Variants in LRRC49 observed in about 807,000 individuals in gnomAD.
LRRC49 encodes leucine-rich repeat-containing protein 49.
A neutral mutation model predicts 83.3 loss-of-function variants in LRRC49; 50 were observed. The ratio of observed to expected loss-of-function variants is 0.60; its 90% CI spans 0.48 to 0.76. The LOEUF (loss-of-function observed/expected upper bound fraction) is 0.76, where lower values mean the gene tolerates loss of function less well. Ranked by LOEUF, LRRC49 falls within the 30% of genes least tolerant of loss-of-function variation. The probability of loss-of-function intolerance (pLI) is 0.00; values close to 1 mark genes in which losing one functional copy is unlikely to be tolerated. For missense variants in LRRC49, 704 were observed against 809.1 expected (o/e 0.87, Z 1.58); for synonymous variants, 286 against 283.3 (o/e 1.01, Z -0.10).
At chr15:71,032,159 CA>C (rs1490628569) in intron 14 of LRRC49, among the ~76,000 whole-genome samples, 2 of 152,188 alleles carry the variant, frequency 1.3e-5, no homozygotes, top group Non-Finnish European at 2.9e-5. Flanking sequence ...CAGCAGATTG[CA>C]AATTAATGGG....
chr15:70,920,418 A>G (rs1032060099), intron 7 of LRRC49, among the ~76,000 whole-genome samples: 3 of 152,204 alleles, frequency 2.0e-5, no homozygotes, highest in Non-Finnish European at 4.4e-5. Context: ...CAGATTAGAT[A>G]CAATACTGGA....
intron 6 of LRRC49, among the ~76,000 whole-genome samples, chr15:70,918,027 C>T (rs1189754622): frequency 6.6e-6 from 1 of 152,236 alleles, no homozygotes; most frequent in African/African-American, 2.4e-5. Flanking sequence ...CCTCGCATAT[C>T]CAAGCTTCCG....
chr15:70,866,665 A>G (rs1205727875), intron 1 of LRRC49, among the ~76,000 whole-genome samples: 5 of 152,168 alleles, frequency 3.3e-5, no homozygotes, highest in Admixed American at 2.0e-4. Context: ...GTGACGGGAT[A>G]TAGATAAGGG....
intron 7 of LRRC49, among the ~76,000 whole-genome samples, chr15:70,933,042 A>T (rs575040558): frequency 6.6e-6 from 1 of 151,994 alleles, no homozygotes; most frequent in Non-Finnish European, 1.5e-5. Flanking sequence ...TAGTTCTTTT[A>T]TGCAGTTTAG....
chr15:71,040,572 C>A (rs753002311), intron 15 of LRRC49, among the ~76,000 whole-genome samples: 2 of 152,088 alleles, frequency 1.3e-5, no homozygotes, highest in African/African-American at 2.4e-5. Flanking sequence ...GTAATCCCAG[C>A]ACTTTGGGAG....
intron 15 of LRRC49, among the ~76,000 whole-genome samples, chr15:71,039,145 A>G (rs1260247272): frequency 6.6e-6 from 1 of 152,186 alleles, no homozygotes; most frequent in Non-Finnish European, 1.5e-5. Context: ...CACAGTGCAA[A>G]TAAGGCATAG....
At chr15:70,900,671 A>T (rs1433668417) in intron 3 of LRRC49, 6 of 467,896 alleles carry the variant, frequency 1.3e-5, no homozygotes, top group Non-Finnish European at 2.4e-5. Context: ...GCACTGGACT[A>T]GTTCTGTACT....
At chr15:70,983,186 TAA>T (rs1294472029) in intron 10 of LRRC49, among the ~76,000 whole-genome samples, 1 of 152,168 alleles carries the variant, frequency 6.6e-6, no homozygotes, top group East Asian at 1.9e-4. Context: ...TTTTTTCTAT[TAA>T]TATATATAAA....
intron 8 of LRRC49, among the ~76,000 whole-genome samples, chr15:70,943,016 T>G (rs2035878611): frequency 6.6e-6 from 1 of 152,182 alleles, no homozygotes; most frequent in Admixed American, 6.5e-5. Context: ...TTCTCGTTAA[T>G]ATATGTTTCA....
chr15:70,859,621 A>G, intron 1 of LRRC49: 2 of 640,926 alleles, frequency 3.1e-6, no homozygotes, highest in Admixed American at 1.9e-5. Context: ...TGCAGCCTAT[A>G]AAGACTGAGA....
chr15:70,911,967 G>A (rs1045755440), intron 6 of LRRC49, among the ~76,000 whole-genome samples: 1 of 151,576 alleles, frequency 6.6e-6, no homozygotes, highest in Admixed American at 6.6e-5. Flanking sequence ...ACTATTTTAG[G>A]TTTCATGCTT....
chr15:70,865,548 G>A (rs1004909877), intron 1 of LRRC49, among the ~76,000 whole-genome samples: 2 of 152,186 alleles, frequency 1.3e-5, no homozygotes. Context: ...TGCATTTGAT[G>A]TTTATGTCCT....
chr15:70,942,033 A>ATGTGTGTGTGTG (rs34818331), intron 8 of LRRC49, among the ~76,000 whole-genome samples: 75 of 144,182 alleles, frequency 5.2e-4, no homozygotes, highest in African/African-American at 1.8e-3. Context: ...TGTAAAGGTT[A>ATGTGTGTGTGTG]TGTGTGTGTG....
intron 2 of LRRC49, among the ~76,000 whole-genome samples, chr15:70,879,059 C>T (rs776170223): frequency 6.6e-6 from 1 of 152,118 alleles, no homozygotes; most frequent in Non-Finnish European, 1.5e-5. Flanking sequence ...AAAGTAAAGT[C>T]GTCTGGGCCT....
intron 11 of LRRC49, among the ~76,000 whole-genome samples, chr15:70,989,979 C>T (rs914258546): frequency 3.3e-5 from 5 of 152,140 alleles, no homozygotes; most frequent in Non-Finnish European, 5.9e-5. Context: ...GCTGTCTGAT[C>T]GTTCCTCTTG....
At chr15:70,957,635 A>G (rs1478455902) in intron 8 of LRRC49, among the ~76,000 whole-genome samples, 2 of 152,146 alleles carry the variant, frequency 1.3e-5, no homozygotes, top group Non-Finnish European at 2.9e-5. Flanking sequence ...AGTCTTCAAG[A>G]AACTTACAGT....
chr15:70,989,113 T>C (rs977653375), intron 11 of LRRC49, among the ~76,000 whole-genome samples: 5 of 152,210 alleles, frequency 3.3e-5, no homozygotes, highest in African/African-American at 7.2e-5. Flanking sequence ...CAATTATGTG[T>C]CTTGGAGTTG....
At chr15:70,893,226 T>A in intron 1 of LRRC49, 1 of 571,222 alleles carries the variant, frequency 1.8e-6, no homozygotes. Flanking sequence ...CAATTCCTTT[T>A]TCTTTTCTTT....
upstream of LRRC49, chr15:70,891,762 G>A: frequency 5.5e-6 from 7 of 1,272,558 alleles, no homozygotes; most frequent in South Asian, 1.1e-4. Flanking sequence ...GAGATGAGGT[G>A]CCTTTCCCAA....
Sources: allele counts gnomAD v4.1 joint callset (sites outside exome capture counted in the v4.1 genomes callset), GRCh38; gene constraint gnomAD v4.1.1; transcripts MANE v1.5; gene names NCBI Gene and HGNC (gene_info 2026-07-23, HGNC 2026-07-21).